Variants in APBA1 observed in about 807,000 individuals in gnomAD.
APBA1 encodes amyloid beta precursor protein binding family A member 1.
In APBA1, 55 loss-of-function variants were observed where a neutral mutation model predicts 86.6. The ratio of observed to expected loss-of-function variants is 0.64; its 90% CI spans 0.51 to 0.80. The LOEUF (loss-of-function observed/expected upper bound fraction) is 0.80. Ranked by LOEUF, APBA1 falls within the 30% of genes least tolerant of loss-of-function variation. The pLI, the probability that APBA1 is intolerant of heterozygous loss-of-function variation, is 0.00. For synonymous variants in APBA1, 511 were observed against 493.9 expected (o/e 1.03, Z -0.46); for missense variants, 1,090 against 1,183.0 (o/e 0.92, Z 1.15).
rs1293776107 is a variant in APBA1 at position 69,589,258 on chromosome 9, T to A, written c.-69-71979A>T. Among the ~76,000 whole-genome samples, 5 of 152,204 alleles carry A rather than the reference T, an allele frequency of 3.3e-5. No homozygotes were observed. The East Asian group carries it at 5.8e-4, about 18-fold the overall frequency. On this transcript the variant is annotated intron_variant, in intron 1 of 12. Coordinates refer to ENST00000265381, the MANE Select transcript of APBA1 (RefSeq NM_001163.4). The stretch of plus-strand genomic sequence containing the variant: ...GGCATGAGCCACTGCTCCCGGTGTG[T>A]CTCATTCTTGATATCCTCAAAGCAC...
At chr9:69,607,368 G>T (rs537922470) in intron 1 of APBA1, among the ~76,000 whole-genome samples, 1 of 152,160 alleles carries the variant, frequency 6.6e-6, no homozygotes, top group South Asian at 2.1e-4. Flanking sequence ...GAACAGCATG[G>T]GAAGGACCCG....
At chr9:69,588,543 G>GA (rs35029692) in intron 1 of APBA1, among the ~76,000 whole-genome samples, 56,031 of 150,152 alleles carry the variant, frequency 0.37, 10,563 homozygotes, top group East Asian at 0.44. Context: ...GTGAAGATGA[G>GA]AAAAAAAAAC....
intron 1 of APBA1, among the ~76,000 whole-genome samples, chr9:69,524,493 A>C (rs1836312080): frequency 6.6e-6 from 1 of 152,142 alleles, no homozygotes; most frequent in African/African-American, 2.4e-5. Flanking sequence ...GAAATGGATA[A>C]ATTCCTGGAA....
chr9:69,660,844 G>C (rs192282926), intron 1 of APBA1, among the ~76,000 whole-genome samples: 1 of 152,088 alleles, frequency 6.6e-6, no homozygotes, highest in Non-Finnish European at 1.5e-5. Flanking sequence ...GTGTGGGTGG[G>C]TGCATATTTT....
At chr9:69,510,808 A>G (rs1348656654) in intron 2 of APBA1, among the ~76,000 whole-genome samples, 22 of 147,612 alleles carry the variant, frequency 1.5e-4, no homozygotes, top group African/African-American at 5.1e-4. Context: ...CCTGAGAAAA[A>G]TAAGCAATGG....
chr9:69,651,082 T>C (rs1004211393), intron 1 of APBA1, among the ~76,000 whole-genome samples: 56 of 152,314 alleles, frequency 3.7e-4, no homozygotes, highest in Admixed American at 2.4e-3. Flanking sequence ...CATATAGCAA[T>C]GAGAATGAAC....
intron 2 of APBA1, among the ~76,000 whole-genome samples, chr9:69,489,810 A>C (rs1164691793): frequency 1.3e-5 from 2 of 152,146 alleles, no homozygotes; most frequent in Non-Finnish European, 2.9e-5. Context: ...GCAATCATTA[A>C]AAAGTCAGGA....
chr9:69,541,696 T>G (rs1836616864), intron 1 of APBA1, among the ~76,000 whole-genome samples: 1 of 152,076 alleles, frequency 6.6e-6, no homozygotes, highest in African/African-American at 2.4e-5. Context: ...TGTGAATTAC[T>G]CAATAAGTTA....
chr9:69,600,212 T>C (rs558058857), intron 1 of APBA1, among the ~76,000 whole-genome samples: 25 of 152,166 alleles, frequency 1.6e-4, no homozygotes, highest in Non-Finnish European at 2.4e-4. Flanking sequence ...AGGGAGAGCA[T>C]AGGCTGTGGC....
chr9:69,670,500 C>A (rs1277844989), intron 1 of APBA1, among the ~76,000 whole-genome samples: 5 of 152,034 alleles, frequency 3.3e-5, no homozygotes, highest in South Asian at 2.1e-4. Context: ...GCTAGTCATA[C>A]AACATTTTAA....
intron 1 of APBA1, among the ~76,000 whole-genome samples, chr9:69,589,610 C>T (rs1302905430): frequency 6.6e-6 from 1 of 152,158 alleles, no homozygotes; most frequent in Non-Finnish European, 1.5e-5. Flanking sequence ...TGGTTTTCTA[C>T]TGGGTCTTTC....
chr9:69,573,161 A>AAAAT (rs1438212484), intron 1 of APBA1, among the ~76,000 whole-genome samples: 1 of 152,186 alleles, frequency 6.6e-6, no homozygotes, highest in African/African-American at 2.4e-5. Context: ...CATCTCAAAA[A>AAAAT]AAATAAATAA....
At position 69,593,104 on chromosome 9, in the gene APBA1, T is replaced by C. The variant is rs61650258; in HGVS notation, c.-69-75825A>G. On this transcript the variant is annotated intron_variant, in intron 1 of 12. Coordinates refer to ENST00000265381, the MANE Select transcript of APBA1 (RefSeq NM_001163.4). ...GAAGTGGCTTTACAGTGTCTATACC[T>C]CATTCTATCATATCTTCCGAAGATA... Among the ~76,000 whole-genome samples the C allele has an allele frequency of 5.3e-5, 8 of 152,348 alleles. No homozygotes were observed. In the East Asian group the frequency reaches 1.5e-3, roughly 29 times the overall value.
chr9:69,496,205 C>T (rs556040136), intron 2 of APBA1, among the ~76,000 whole-genome samples: 8 of 152,186 alleles, frequency 5.3e-5, no homozygotes, highest in Non-Finnish European at 1.0e-4. Context: ...TGCAGAGAGA[C>T]GCCCCCAGAG....
At chr9:69,608,840 T>A (rs750360715) in intron 1 of APBA1, among the ~76,000 whole-genome samples, 5 of 152,228 alleles carry the variant, frequency 3.3e-5, no homozygotes, top group Non-Finnish European at 5.9e-5. Flanking sequence ...CCTCTGTCCC[T>A]CCTCTGTAGT....
intron 1 of APBA1, among the ~76,000 whole-genome samples, chr9:69,655,788 A>G (rs1823596431): frequency 6.6e-6 from 1 of 152,160 alleles, no homozygotes; most frequent in Non-Finnish European, 1.5e-5. Flanking sequence ...GAACTAAGCT[A>G]GAACAAAATT....
chr9:69,518,159 T>C (rs1836197598), intron 1 of APBA1, among the ~76,000 whole-genome samples: 1 of 152,120 alleles, frequency 6.6e-6, no homozygotes, highest in African/African-American at 2.4e-5. Flanking sequence ...CAATAAAAAA[T>C]AATGCAAGTA....
At chr9:69,529,623 G>T (rs1410811787) in intron 1 of APBA1, among the ~76,000 whole-genome samples, 1 of 152,102 alleles carries the variant, frequency 6.6e-6, no homozygotes, top group Non-Finnish European at 1.5e-5. Context: ...AATAAGGGAA[G>T]ATCAGTAAAA....
At chr9:69,623,971 T>C (rs1301111517) in intron 1 of APBA1, among the ~76,000 whole-genome samples, 2 of 152,210 alleles carry the variant, frequency 1.3e-5, no homozygotes, top group Non-Finnish European at 2.9e-5. Flanking sequence ...TTTTTAGAAA[T>C]GTAAAAGCAA....
Sources: allele counts gnomAD v4.1 joint callset (sites outside exome capture counted in the v4.1 genomes callset), GRCh38; gene constraint gnomAD v4.1.1; transcripts MANE v1.5; gene names NCBI Gene and HGNC (gene_info 2026-07-23, HGNC 2026-07-21).